CHEK2: variants seen among roughly 807,000 people sequenced by gnomAD.
CHEK2 encodes checkpoint kinase 2, also known as serine/threonine-protein kinase Chk2.
CHEK2 carries 71 observed loss-of-function variants against 69.1 expected under a neutral mutation model. The observed-to-expected ratio is 1.03, with a 90% confidence interval of 0.85 to 1.25. CHEK2 has a LOEUF of 1.25. Ranked by LOEUF, CHEK2 falls within the 50% of genes most tolerant of loss-of-function variation. CHEK2 has a pLI of 0.00. For synonymous variants in CHEK2, 189 were observed against 226.9 expected (o/e 0.83, Z 1.50); for missense variants, 664 against 649.6 (o/e 1.02, Z -0.24).
At chr22:28,693,436 G>A (rs2052440247) in intron 13 of CHEK2, among the ~76,000 whole-genome samples, 1 of 152,144 alleles carries the variant, frequency 6.6e-6, no homozygotes, top group East Asian at 1.9e-4. Context: ...ATTCTCCCCA[G>A]GGAGGCTGTC....
At chr22:28,736,767 CCCCCCG>C (rs2054421133) in intron 1 of CHEK2, among the ~76,000 whole-genome samples, 1 of 147,546 alleles carries the variant, frequency 6.8e-6, no homozygotes, top group African/African-American at 2.5e-5. Flanking sequence ...TAGTGGGACC[CCCCCCG>C]CCCCCCGTAC....
chr22:28,691,356 G>C (rs2052355497), intron 13 of CHEK2, among the ~76,000 whole-genome samples: 1 of 152,192 alleles, frequency 6.6e-6, no homozygotes, highest in Non-Finnish European at 1.5e-5. Context: ...GCAGGCACCT[G>C]TAATCCCAGC....
chr22:28,737,591 T>C (rs965767794), intron 1 of CHEK2, among the ~76,000 whole-genome samples: 1 of 151,814 alleles, frequency 6.6e-6, no homozygotes, highest in Non-Finnish European at 1.5e-5. Flanking sequence ...TGCTTCAGCC[T>C]TCCAAGTAGT....
intron 4 of CHEK2, among the ~76,000 whole-genome samples, chr22:28,724,397 A>G (rs1272392181): frequency 6.6e-6 from 1 of 152,182 alleles, no homozygotes; most frequent in African/African-American, 2.4e-5. Flanking sequence ...TGACAGTGCA[A>G]GACTCCGTCT....
At chr22:28,709,203 T>C (rs1198046414) in intron 7 of CHEK2, among the ~76,000 whole-genome samples, 1 of 152,156 alleles carries the variant, frequency 6.6e-6, no homozygotes. Context: ...ATAGTCATCA[T>C]TGCACAAAAA....
intron 5 of CHEK2, among the ~76,000 whole-genome samples, chr22:28,712,455 AT>A (rs1239847598): frequency 6.6e-6 from 1 of 152,222 alleles, no homozygotes; most frequent in Non-Finnish European, 1.5e-5. Context: ...TTTCCTTCTT[AT>A]TCTCCATCTT....
chr22:28,707,216 C>T (rs891397602), intron 7 of CHEK2, among the ~76,000 whole-genome samples: 1 of 152,224 alleles, frequency 6.6e-6, no homozygotes, highest in African/African-American at 2.4e-5. Context: ...ACACCTTCCA[C>T]TTAGGTCATA....
rs772460549 is a variant in CHEK2, at chr22:28,723,609, AAG to A, written c.592+1366_592+1367del. On this transcript the variant is annotated intron_variant, in intron 4 of 14. Coordinates refer to ENST00000404276, the MANE Select transcript of CHEK2 (RefSeq NM_007194.4). Reference sequence around the variant, plus strand: ...CAAGGCTCCGTCACAAGGAAAAAAAAAGAAAAAAAAAAAAAAGGAGCTCAATA... The same window carrying A: ...CAAGGCTCCGTCACAAGGAAAAAAAAAAAAAAAAAAAAAAGGAGCTCAATA... 8.3e-3 allele frequency among the ~76,000 whole-genome samples: 1,176 copies of A among 141,746 alleles called. 58 individuals are homozygous for A. Among genetic ancestry groups the A allele is most frequent in the East Asian group, 0.047 (224 of 4,746 alleles). 93.0% of individuals were successfully genotyped at this position (141,746 alleles called of 152,430 possible). A position where few individuals can be genotyped will look rare whatever the true frequency, so the allele number is the denominator to read the frequency against.
chr22:28,735,710 C>T (rs901399729), intron 1 of CHEK2, among the ~76,000 whole-genome samples: 6 of 151,602 alleles, frequency 4.0e-5, no homozygotes, highest in African/African-American at 1.5e-4. Context: ...AGTCAAACCC[C>T]GTGTCCACTA....
rs876659950 is a variant in CHEK2, at chr22:28,725,091, T to G, written c.478A>C (p.Ile160Leu). 6.2e-7 allele frequency: 1 copy of G among 1,614,166 alleles called. No homozygotes were observed. Among genetic ancestry groups the G allele is most frequent in the Non-Finnish European group, 8.5e-7 (1 of 1,180,004 alleles). ...VGPKNSYIAYIEDHSGNGTFV... is the reference protein window; with the variant it reads ...VGPKNSYIAYLEDHSGNGTFV... The stretch of plus-strand genomic sequence containing the variant: ...GTTCCATTGCCACTGTGATCTTCTA[T>G]GTATGCAATGTAAGAGTTTTTAGGA... The change falls in exon 4 of 15, where the codon ATA (isoleucine) becomes CTA (leucine). Residue 160 changes from isoleucine to leucine, a missense_variant. Ile to Leu is a conservative substitution (Grantham distance 5). Coordinates refer to ENST00000404276, the MANE Select transcript of CHEK2 (RefSeq NM_007194.4).
chr22:28,736,400 C>A (rs763265454), intron 1 of CHEK2, among the ~76,000 whole-genome samples: 5 of 152,204 alleles, frequency 3.3e-5, no homozygotes, highest in Non-Finnish European at 7.3e-5. Flanking sequence ...CACACCTGTT[C>A]GTTCAATCTA....
intron 8 of CHEK2, 117 bp from the exon 9 acceptor site, chr22:28,700,054 C>A: frequency 2.8e-6 from 2 of 707,018 alleles, no homozygotes; most frequent in African/African-American, 1.8e-5. Flanking sequence ...CATTTTTATT[C>A]ACTTTTGACT....
At chr22:28,705,060 T>C (rs567838653) in intron 7 of CHEK2, among the ~76,000 whole-genome samples, 2 of 150,764 alleles carry the variant, frequency 1.3e-5, no homozygotes, top group South Asian at 4.2e-4. Flanking sequence ...AAAATCTGAA[T>C]ACTCCCAAAA....
intron 5 of CHEK2, among the ~76,000 whole-genome samples, chr22:28,718,883 A>AAC (rs144577000): frequency 0.18 from 25,371 of 140,318 alleles, 2,463 homozygotes; most frequent in Non-Finnish European, 0.22. Flanking sequence ...CTCTGACACT[A>AAC]ACACACACAC....
At chr22:28,723,020 T>G (rs1429777610) in intron 4 of CHEK2, among the ~76,000 whole-genome samples, 1 of 152,340 alleles carries the variant, frequency 6.6e-6, no homozygotes, top group South Asian at 2.1e-4. Flanking sequence ...TATGGTTTCT[T>G]TAACTAAAGA....
intron 5 of CHEK2, among the ~76,000 whole-genome samples, chr22:28,717,579 A>T (rs1038246276): frequency 6.6e-6 from 1 of 151,840 alleles, no homozygotes; most frequent in Non-Finnish European, 1.5e-5. Context: ...CAGTAAAAAA[A>T]AAAATAAAAA....
chr22:28,711,164 G>A (rs1485379457), intron 6 of CHEK2, among the ~76,000 whole-genome samples: 1 of 152,138 alleles, frequency 6.6e-6, no homozygotes, highest in Non-Finnish European at 1.5e-5. Context: ...AAAGACCAAT[G>A]CATTTGGCCA....
chr22:28,688,671 GA>G (rs914857068), intron 14 of CHEK2, among the ~76,000 whole-genome samples: 13 of 140,960 alleles, frequency 9.2e-5, no homozygotes, highest in Admixed American at 2.9e-4. Context: ...TCTGTCTCAA[GA>G]AAAAAAAAAT....
rs371153507 is a variant in CHEK2 at position 28,725,824 on chromosome 22, G to A, written c.320-457C>T. ...CTCAGGAGGCTGAGGTGGGAGGATC[G>A]CTTGAGCCCAGGAGGTCGAGGCTGC... On this transcript the variant is annotated intron_variant, in intron 2 of 14. Transcript: ENST00000404276. Among the ~76,000 whole-genome samples, 26 of 151,456 alleles carry A rather than the reference G, an allele frequency of 1.7e-4. No homozygotes were observed. The East Asian group carries it at 4.1e-3, about 24-fold the overall frequency.
Sources: gnomAD v4.1 joint callset for allele counts (sites outside exome capture counted in the v4.1 genomes callset) on GRCh38, gnomAD v4.1.1 for gene constraint, MANE v1.5 for transcripts, NCBI Gene and HGNC (gene_info 2026-07-23, HGNC 2026-07-21) for gene names.